CCDC102B: variants seen among roughly 807,000 people sequenced by gnomAD.
The protein encoded by CCDC102B is coiled-coil domain-containing protein 102B.
Under a neutral mutation model 57.4 loss-of-function variants are expected in CCDC102B, and 75 were observed. The observed-to-expected ratio is 1.31, with a 90% CI of 1.08 to 1.58. The LOEUF (loss-of-function observed/expected upper bound fraction) is 1.58, where lower values mean the gene tolerates loss of function less well. Among genes scored for constraint, CCDC102B ranks in the 40% most tolerant of loss-of-function variants. The pLI is 0.00. For missense variants in CCDC102B, 636 were observed against 582.6 expected (o/e 1.09, Z -0.94); for synonymous variants, 206 against 201.9 (o/e 1.02, Z -0.17).
At chr18:68,863,621 T>C (rs940920988) in intron 4 of CCDC102B, among the ~76,000 whole-genome samples, 1 of 151,976 alleles carries the variant, frequency 6.6e-6, no homozygotes. Flanking sequence ...GGACACATAA[T>C]AAATTTACAT....
At chr18:69,040,914 G>A (rs1449464106) in intron 7 of CCDC102B, among the ~76,000 whole-genome samples, 1 of 151,990 alleles carries the variant, frequency 6.6e-6, no homozygotes, top group Non-Finnish European at 1.5e-5. Flanking sequence ...AGAGGCATAT[G>A]AGAGCCCACA....
intron 1 of CCDC102B, among the ~76,000 whole-genome samples, chr18:68,813,081 G>A (rs1255021614): frequency 6.6e-6 from 1 of 152,078 alleles, no homozygotes; most frequent in Non-Finnish European, 1.5e-5. Flanking sequence ...GGTGGGAGAT[G>A]ATTGAATCAT....
chr18:68,904,119 TAAA>T, intron 6 of CCDC102B, among the ~76,000 whole-genome samples: 1 of 1,714 alleles, frequency 5.8e-4, no homozygotes, highest in Non-Finnish European at 1.5e-3. Flanking sequence ...TTTACTGTTA[TAAA>T]ATAGAAATTA....
intron 2 of CCDC102B, among the ~76,000 whole-genome samples, chr18:68,741,114 A>G (rs989896587): frequency 6.6e-6 from 1 of 152,220 alleles, no homozygotes; most frequent in African/African-American, 2.4e-5. Context: ...ACAAGTCCAC[A>G]TGGCATATGG....
chr18:68,927,468 C>T (rs2041512186), intron 6 of CCDC102B, among the ~76,000 whole-genome samples: 1 of 151,862 alleles, frequency 6.6e-6, no homozygotes, highest in Admixed American at 6.6e-5. Context: ...TTTACCTCCC[C>T]TGTTTTCTGT....
chr18:68,877,413 T>C (rs2039491662), intron 5 of CCDC102B, among the ~76,000 whole-genome samples: 1 of 152,244 alleles, frequency 6.6e-6, no homozygotes, highest in African/African-American at 2.4e-5. Context: ...GCCATCCAGC[T>C]CTTATCTTCC....
At chr18:68,935,965 A>G (rs987297153) in intron 6 of CCDC102B, among the ~76,000 whole-genome samples, 4 of 151,954 alleles carry the variant, frequency 2.6e-5, no homozygotes, top group Non-Finnish European at 4.4e-5. Context: ...CAGATTGAGC[A>G]TCCCTGATCC....
chr18:68,762,293 C>G (rs2144590572), intron 2 of CCDC102B, among the ~76,000 whole-genome samples: 1 of 152,170 alleles, frequency 6.6e-6, no homozygotes, highest in African/African-American at 2.4e-5. Context: ...AACATATTTG[C>G]CTTAAATGTA....
chr18:68,964,281 C>T (rs1447871135), intron 6 of CCDC102B, among the ~76,000 whole-genome samples: 1 of 151,866 alleles, frequency 6.6e-6, no homozygotes, highest in Non-Finnish European at 1.5e-5. Flanking sequence ...CTCAGCCTAC[C>T]TATTGCATCA....
intron 2 of CCDC102B, among the ~76,000 whole-genome samples, chr18:68,765,320 G>GAAA (rs1568238728): frequency 0.025 from 1,029 of 40,386 alleles, 6 homozygotes; most frequent in East Asian, 0.051. Context: ...AAGGAAGGAA[G>GAAA]GAAGGAAAGA....
intron 1 of CCDC102B, among the ~76,000 whole-genome samples, chr18:68,802,645 C>T (rs1049702035): frequency 6.6e-6 from 1 of 152,158 alleles, no homozygotes; most frequent in Non-Finnish European, 1.5e-5. Context: ...GGTCCTGGAC[C>T]TCACATGGTC....
At chr18:68,726,393 C>G (rs548696521) in intron 2 of CCDC102B, among the ~76,000 whole-genome samples, 1 of 152,316 alleles carries the variant, frequency 6.6e-6, no homozygotes, top group East Asian at 1.9e-4. Flanking sequence ...ATGTTACCTG[C>G]AGGCGTGTTT....
intron 2 of CCDC102B, among the ~76,000 whole-genome samples, chr18:68,767,207 G>C (rs968796194): frequency 6.6e-6 from 1 of 152,172 alleles, no homozygotes; most frequent in Non-Finnish European, 1.5e-5. Context: ...TAGTGTTATG[G>C]ACTGAATGTA....
chr18:68,942,207 T>A (rs1226005205), intron 6 of CCDC102B, among the ~76,000 whole-genome samples: 1 of 152,112 alleles, frequency 6.6e-6, no homozygotes, highest in Admixed American at 6.6e-5. Flanking sequence ...CTCACAAATA[T>A]TTCAACTTTA....
At chr18:68,724,445 C>T (rs1439052488) in intron 2 of CCDC102B, among the ~76,000 whole-genome samples, 1 of 152,176 alleles carries the variant, frequency 6.6e-6, no homozygotes, top group African/African-American at 2.4e-5. Context: ...GCTCTGCTTC[C>T]TCTTGATTGC....
At chr18:68,748,527 A>G (rs1386999903) in intron 2 of CCDC102B, among the ~76,000 whole-genome samples, 3 of 152,166 alleles carry the variant, frequency 2.0e-5, no homozygotes, top group East Asian at 3.9e-4. Context: ...GTAATTTTCA[A>G]TTCTTTCATC....
intron 6 of CCDC102B, among the ~76,000 whole-genome samples, chr18:68,933,323 C>T (rs997726885): frequency 2.0e-5 from 3 of 151,798 alleles, no homozygotes; most frequent in Admixed American, 2.0e-4. Context: ...CTATTTTTTT[C>T]ACAACTTGAA....
intron 6 of CCDC102B, among the ~76,000 whole-genome samples, chr18:68,955,637 T>C (rs75780694): frequency 6.6e-6 from 1 of 152,048 alleles, no homozygotes. Flanking sequence ...TTTGTTTTTT[T>C]GCTTTAATTA....
intron 5 of CCDC102B, among the ~76,000 whole-genome samples, chr18:68,886,265 C>A (rs1303169239): frequency 2.6e-5 from 4 of 151,698 alleles, no homozygotes; most frequent in Non-Finnish European, 5.9e-5. Flanking sequence ...TGTAATAGGA[C>A]AAATAATACC....
Sources: gnomAD v4.1 joint callset for allele counts (sites outside exome capture counted in the v4.1 genomes callset) on GRCh38, gnomAD v4.1.1 for gene constraint, MANE v1.5 for transcripts, NCBI Gene and HGNC (gene_info 2026-07-23, HGNC 2026-07-21) for gene names.